FRMD5: variants seen among roughly 807,000 people sequenced by gnomAD.
FRMD5 encodes the protein FERM domain containing 5.
In FRMD5, 20 loss-of-function variants were observed where a neutral mutation model predicts 69.0. The observed-to-expected ratio is 0.29, with a 90% CI of 0.20 to 0.42. FRMD5 has a LOEUF of 0.42. Among genes scored for constraint, FRMD5 ranks in the 10% least tolerant of loss-of-function variants. The pLI is 1.00. For missense variants in FRMD5, 595 were observed against 708.6 expected, an observed-to-expected ratio of 0.84 and a Z score of 1.82; for synonymous variants, 271 against 260.1, an observed-to-expected ratio of 1.04 and a Z score of -0.40.
In FRMD5 at chr15:44,163,379, C is replaced by A. The variant is rs570197570; in HGVS notation, c.102+31574G>T. Reference sequence around the variant, plus strand: ...TCTGTCTGCCTTCTCTGCTGTACCCCCGTGTACATAACTAGTGCCTGGAAT... The same window carrying A: ...TCTGTCTGCCTTCTCTGCTGTACCCACGTGTACATAACTAGTGCCTGGAAT... On this transcript the variant is annotated intron_variant, in intron 1 of 13. Transcript: ENST00000417257. Among the ~76,000 whole-genome samples, 7 of 152,330 alleles carry A rather than the reference C, an allele frequency of 4.6e-5. No individual in the cohort carries two copies. The East Asian group carries it at 1.3e-3, about 29-fold the overall frequency.
chr15:44,004,801 T>G (rs1890365253), intron 1 of FRMD5, among the ~76,000 whole-genome samples: 1 of 152,220 alleles, frequency 6.6e-6, no homozygotes, highest in African/African-American at 2.4e-5. Flanking sequence ...CTAAAAATGA[T>G]TATGCTTAGT....
At chr15:44,123,641 A>G (rs1366401833) in intron 1 of FRMD5, among the ~76,000 whole-genome samples, 1 of 152,204 alleles carries the variant, frequency 6.6e-6, no homozygotes, top group Non-Finnish European at 1.5e-5. Context: ...ACACATTGAG[A>G]AAACTGACAA....
At chr15:43,982,225 G>A (rs898684240) in intron 1 of FRMD5, among the ~76,000 whole-genome samples, 2 of 152,230 alleles carry the variant, frequency 1.3e-5, no homozygotes, top group Non-Finnish European at 2.9e-5. Flanking sequence ...TTCGGGGCAA[G>A]TAGACCACTT....
At chr15:44,075,354 A>G (rs1456709124) in intron 1 of FRMD5, among the ~76,000 whole-genome samples, 4 of 152,162 alleles carry the variant, frequency 2.6e-5, no homozygotes, top group Non-Finnish European at 5.9e-5. Context: ...AATTTCTTCA[A>G]ACAAGAGACT....
At chr15:43,949,875 C>T (rs1042217338) in intron 1 of FRMD5, among the ~76,000 whole-genome samples, 1 of 151,826 alleles carries the variant, frequency 6.6e-6, no homozygotes, top group African/African-American at 2.4e-5. Context: ...AGTAAGTGCA[C>T]TTCAGGGAGT....
intron 1 of FRMD5, among the ~76,000 whole-genome samples, chr15:44,054,942 C>T (rs568922861): frequency 1.4e-4 from 22 of 151,804 alleles, no homozygotes; most frequent in Non-Finnish European, 2.9e-4. Flanking sequence ...TGGTGGCATG[C>T]GCCTGTAATC....
In FRMD5 at chr15:44,098,264, C is replaced by T. The variant is rs1053539409; in HGVS notation, c.102+96689G>A. Among the ~76,000 whole-genome samples the T allele has an allele frequency of 4.6e-5, 7 of 152,002 alleles. No individual in the cohort carries two copies. The East Asian group carries it at 5.8e-4, about 13-fold the overall frequency. ...ATACAAGGCCGGGTGCAGTGGCTCA[C>T]GCCTGTAATCCTAGCACTTTGGGAG... is the stretch of plus-strand genomic sequence containing the variant. On this transcript the variant is annotated intron_variant, in intron 1 of 13. Transcript: ENST00000417257.
At chr15:44,031,932 C>G (rs1197749164) in intron 1 of FRMD5, among the ~76,000 whole-genome samples, 1 of 152,012 alleles carries the variant, frequency 6.6e-6, no homozygotes, top group African/African-American at 2.4e-5. Context: ...TTTTAAAATT[C>G]AAGCAGGGTA....
chr15:44,028,177 T>C (rs1891522839), intron 1 of FRMD5, among the ~76,000 whole-genome samples: 1 of 152,188 alleles, frequency 6.6e-6, no homozygotes. Context: ...AAAGTCATCT[T>C]AAAGACTTTT....
chr15:44,029,794 G>T (rs1428294798), intron 1 of FRMD5, among the ~76,000 whole-genome samples: 1 of 152,218 alleles, frequency 6.6e-6, no homozygotes, highest in Non-Finnish European at 1.5e-5. Flanking sequence ...TAGGTCTGGG[G>T]TGGAGCATAC....
At chr15:44,199,218 C>T (rs574507089), upstream of FRMD5, among the ~76,000 whole-genome samples, 10 of 152,088 alleles carry the variant, frequency 6.6e-5, no homozygotes, top group African/African-American at 1.9e-4. Context: ...TAAGACCAAG[C>T]TATAACTCCT....
chr15:44,035,143 C>A (rs1418213091), intron 1 of FRMD5, among the ~76,000 whole-genome samples: 9 of 152,102 alleles, frequency 5.9e-5, no homozygotes, highest in Non-Finnish European at 1.2e-4. Context: ...AAAGAGCCTG[C>A]AATCATGGTG....
At chr15:43,948,540 T>C (rs541607469) in intron 1 of FRMD5, among the ~76,000 whole-genome samples, 3 of 152,366 alleles carry the variant, frequency 2.0e-5, no homozygotes, top group Admixed American at 6.5e-5. Flanking sequence ...GTGGGGAACA[T>C]TTCGGTAATT....
At chr15:43,925,070 T>A (rs1182135151) in intron 1 of FRMD5, among the ~76,000 whole-genome samples, 2 of 149,412 alleles carry the variant, frequency 1.3e-5, no homozygotes, top group Non-Finnish European at 3.0e-5. Context: ...AATAGCGCAG[T>A]CTTGGCTCAC....
intron 1 of FRMD5, among the ~76,000 whole-genome samples, chr15:44,187,091 T>G (rs2078114298): frequency 6.6e-6 from 1 of 152,218 alleles, no homozygotes; most frequent in Non-Finnish European, 1.5e-5. Flanking sequence ...ATCAAAGGAT[T>G]TTCAAACATC....
chr15:43,893,895 C>T (rs2088854490), intron 7 of FRMD5, among the ~76,000 whole-genome samples: 4 of 152,310 alleles, frequency 2.6e-5, no homozygotes, highest in Non-Finnish European at 5.9e-5. Flanking sequence ...GTCAGGGTTA[C>T]AAGTATGAGC....
chr15:43,907,923 G>A lies in FRMD5; in HGVS notation c.427+1959C>T, dbSNP rs911967220. The stretch of plus-strand genomic sequence containing the variant: ...TCCAAAGTGCTGGGATAACAGTTGT[G>A]AGCCACTGTGCCTGGCCCAGAGTCA... On this transcript the variant is annotated intron_variant, in intron 5 of 13. Coordinates refer to ENST00000417257, the MANE Select transcript of FRMD5 (RefSeq NM_032892.5). Among the ~76,000 whole-genome samples the A allele has an allele frequency of 1.6e-4, 25 of 152,132 alleles. 1 individual carries two copies.
intron 1 of FRMD5, among the ~76,000 whole-genome samples, chr15:44,019,047 A>G (rs1891093801): frequency 6.6e-6 from 1 of 151,908 alleles, no homozygotes; most frequent in East Asian, 1.9e-4. Flanking sequence ...GGCATACACC[A>G]CTACATCCGG....
chr15:44,022,729 C>T (rs990484250), intron 1 of FRMD5, among the ~76,000 whole-genome samples: 1 of 151,980 alleles, frequency 6.6e-6, no homozygotes, highest in African/African-American at 2.4e-5. Context: ...TCCAGGATTC[C>T]AGTGAGCTTA....
Sources: gnomAD v4.1 joint callset for allele counts (sites outside exome capture counted in the v4.1 genomes callset) on GRCh38, gnomAD v4.1.1 for gene constraint, MANE v1.5 for transcripts, NCBI Gene and HGNC (gene_info 2026-07-23, HGNC 2026-07-21) for gene names.